CACNA1D: variants seen among roughly 807,000 people sequenced by gnomAD.
CACNA1D encodes the protein calcium voltage-gated channel subunit alpha1 D.
CACNA1D carries 55 observed loss-of-function variants against 257.1 expected under a neutral mutation model. The ratio of observed to expected loss-of-function variants is 0.21; its 90% CI spans 0.17 to 0.27. The LOEUF is 0.27. Ranked by LOEUF, CACNA1D falls within the 10% of genes least tolerant of loss-of-function variation. CACNA1D has a pLI of 1.00. For missense variants in CACNA1D, 1,876 were observed against 2,784.0 expected, an observed-to-expected ratio of 0.67 and a Z score of 7.34; for synonymous variants, 980 against 1,014.9, an observed-to-expected ratio of 0.97 and a Z score of 0.65.
chr3:53,786,747 C>CCCCCCCCCAAAAAA, intron 39 of CACNA1D, 75 bp from the exon 40 acceptor site: 1 of 1,310,946 alleles, frequency 7.6e-7, no homozygotes, highest in Non-Finnish European at 1.1e-6. Context: ...GCCCCTGCCC[C>CCCCCCCCCAAAAAA]AGCCAGAAGC....
At chr3:53,504,290 C>T (rs150691474) in intron 3 of CACNA1D, among the ~76,000 whole-genome samples, 11 of 151,996 alleles carry the variant, frequency 7.2e-5, no homozygotes, top group East Asian at 1.9e-4. Context: ...TGCAGTTGAG[C>T]GATAGAGTGA....
intron 3 of CACNA1D, among the ~76,000 whole-genome samples, chr3:53,580,319 G>T (rs1386351334): frequency 6.6e-6 from 1 of 152,224 alleles, no homozygotes; most frequent in Non-Finnish European, 1.5e-5. Flanking sequence ...TCATCTGGAT[G>T]CTCGTGTTCC....
intron 3 of CACNA1D, among the ~76,000 whole-genome samples, chr3:53,602,082 A>C (rs773934848): frequency 6.8e-4 from 104 of 152,108 alleles, no homozygotes; most frequent in Non-Finnish European, 1.3e-3. Context: ...ATCTATTTGT[A>C]CCCATTAAGA....
At chr3:53,580,673 C>T (rs1041028526) in intron 3 of CACNA1D, among the ~76,000 whole-genome samples, 2 of 152,202 alleles carry the variant, frequency 1.3e-5, no homozygotes, top group African/African-American at 4.8e-5. Flanking sequence ...CCTGTGAAGG[C>T]GGAGACCATG....
Position 53,723,820 on chromosome 3 carries a change from G to A in CACNA1D, c.1921G>A (p.Ala641Thr). ...RHWTSLSNLV[A>T]SLLNSMKSIA... ...CTGGACTTCCCTGAGCAACTTAGTG[G>A]CATCCTTATTAAACTCCATGAAGTC... Residue 641 changes from alanine (A) to threonine (T), a missense_variant, in exon 14 of 48, where the codon GCA (alanine) becomes ACA (threonine). Physicochemically the swap from Ala to Thr is moderately conservative, Grantham distance 58. Around this residue, in one of 10 missense-constraint regions of CACNA1D, gnomAD observed 257 missense variants for 399.7 expected, o/e 0.64. Transcript: ENST00000350061. This position sits in a 1 kb window ranked among gnomAD's most constrained non-coding sequence, Gnocchi z 5.6. 6.2e-7 allele frequency: 1 copy of A among 1,614,078 alleles called. No individual in the cohort carries two copies. Among genetic ancestry groups the A allele is most frequent in the Non-Finnish European group, 8.5e-7 (1 of 1,179,962 alleles).
intron 46 of CACNA1D, 150 bp from the exon 47 acceptor site, chr3:53,809,828 C>T (rs2095586802): frequency 1.4e-6 from 1 of 733,760 alleles, no homozygotes; most frequent in African/African-American, 1.7e-5. Context: ...CCCATTCATT[C>T]AGCGTACTTC....
chr3:53,646,273 A>T (rs556965060), intron 3 of CACNA1D, among the ~76,000 whole-genome samples: 2 of 152,200 alleles, frequency 1.3e-5, no homozygotes, highest in African/African-American at 4.8e-5. Context: ...ATAGCAGGGG[A>T]GGCCAGGTGA....
In CACNA1D at chr3:53,751,926, G is replaced by A. The variant is rs766906038; in HGVS notation, c.3675+19G>A. 17 of 1,613,030 alleles carry A rather than the reference G, an allele frequency of 1.1e-5. No homozygotes were observed. Among genetic ancestry groups the A allele is most frequent in the Admixed American group, 1.0e-4 (6 of 60,012 alleles). ...CATGCAGGTAAAAATGGAGACAGCCGTGGGGATCAGGTCCGGGCATTCCGC... is the reference window on the plus strand; with the variant it reads ...CATGCAGGTAAAAATGGAGACAGCCATGGGGATCAGGTCCGGGCATTCCGC... On this transcript the variant is annotated intron_variant, in intron 28 of 47. Coordinates refer to ENST00000350061, the MANE Select transcript of CACNA1D (RefSeq NM_001128840.3). The surrounding 1 kb of genome is among the most constrained non-coding windows in gnomAD (Gnocchi z 4.3).
intron 3 of CACNA1D, among the ~76,000 whole-genome samples, chr3:53,601,324 A>T (rs539512714): frequency 2.2e-4 from 34 of 152,302 alleles, no homozygotes; most frequent in African/African-American, 8.2e-4. Context: ...CTCATACTAA[A>T]TAGGCTCCTT....
At chr3:53,674,030 T>A (rs1302023082) in intron 8 of CACNA1D, 2 of 628,174 alleles carry the variant, frequency 3.2e-6, no homozygotes. Context: ...GTTAATTTAA[T>A]GAAAACGTTC....
chr3:53,505,784 A>G (rs974354067), intron 3 of CACNA1D, among the ~76,000 whole-genome samples: 19 of 152,032 alleles, frequency 1.2e-4, no homozygotes, highest in African/African-American at 4.4e-4. Flanking sequence ...GAAATTTTGT[A>G]CTCTGGTTCC....
intron 11 of CACNA1D, among the ~76,000 whole-genome samples, chr3:53,720,530 A>G (rs957791620): frequency 6.6e-6 from 1 of 152,252 alleles, no homozygotes; most frequent in Admixed American, 6.5e-5. Flanking sequence ...TATCCCATAT[A>G]TATAAAGATT....
At chr3:53,743,531 G>C (rs2095137364) in intron 22 of CACNA1D, among the ~76,000 whole-genome samples, 1 of 152,208 alleles carries the variant, frequency 6.6e-6, no homozygotes, top group Non-Finnish European at 1.5e-5. Context: ...CTTAGATATT[G>C]AGAACTTCCT....
intron 9 of CACNA1D, among the ~76,000 whole-genome samples, chr3:53,708,330 A>G (rs1024450318): frequency 4.6e-5 from 7 of 152,278 alleles, no homozygotes; most frequent in South Asian, 4.1e-4. Flanking sequence ...AAACAGCAGC[A>G]GTTAGAGTGG....
chr3:53,666,311 C>T (rs376037910), intron 6 of CACNA1D, 28 bp from the exon 7 acceptor site: 48 of 1,602,204 alleles, frequency 3.0e-5, no homozygotes, highest in South Asian at 2.1e-4. Flanking sequence ...CTGTCCTGAG[C>T]GGTACAGCCT....
In CACNA1D at chr3:53,723,725, G is replaced by T; in HGVS notation, c.1892+66G>T. The T allele has an allele frequency of 1.3e-5, 20 of 1,569,670 alleles. No individual in the cohort carries two copies. The highest frequency in any genetic ancestry group is 1.8e-5 in the Non-Finnish European group (20 of 1,139,542). On this transcript the variant is annotated intron_variant, in intron 13 of 47. Transcript: ENST00000350061. The surrounding 1 kb of genome is among the most constrained non-coding windows in gnomAD (Gnocchi z 5.6). ...TGAGGCGGCAACCAGTCACATCCCC[G>T]GGCAGGTGATGTTCTGCTCTGTCCT...
At chr3:53,712,314 G>A (rs1166436089) in intron 9 of CACNA1D, among the ~76,000 whole-genome samples, 5 of 152,210 alleles carry the variant, frequency 3.3e-5, no homozygotes, top group Non-Finnish European at 4.4e-5. Context: ...GAAGGACTCC[G>A]ACCCTGCTGG....
intron 23 of CACNA1D, 42 bp downstream of exon 23, chr3:53,744,869 G>A (rs758175482): frequency 8.5e-7 from 1 of 1,170,220 alleles, no homozygotes; most frequent in Admixed American, 1.7e-5. Flanking sequence ...CTTGGGTTGG[G>A]GTTGGCTGTA....
At chr3:53,784,621 G>A (rs1181374362) in intron 39 of CACNA1D, among the ~76,000 whole-genome samples, 1 of 152,142 alleles carries the variant, frequency 6.6e-6, no homozygotes, top group Non-Finnish European at 1.5e-5. Flanking sequence ...GGTGGAATGG[G>A]GTGTGGGTCT....
Sources: gnomAD v4.1 joint callset for allele counts (sites outside exome capture counted in the v4.1 genomes callset) on GRCh38, gnomAD v4.1.1 for gene constraint, gnomAD v4.1.1 regional missense constraint, Gnocchi (gnomAD v3.1) non-coding constraint, MANE v1.5 for transcripts, NCBI Gene and HGNC (gene_info 2026-07-23, HGNC 2026-07-21) for gene names.